PROKR2: variants seen among roughly 807,000 people sequenced by gnomAD.
The protein encoded by PROKR2 is G protein-coupled receptor 73-like 1.
PROKR2 carries 26 observed loss-of-function variants against 23.4 expected under a neutral mutation model. The observed-to-expected ratio is 1.11, with a 90% CI of 0.81 to 1.54. The LOEUF is 1.54. Ranked by LOEUF, PROKR2 falls within the 40% of genes most tolerant of loss-of-function variation. The pLI, the probability that PROKR2 is intolerant of heterozygous loss-of-function variation, is 0.00. For missense variants in PROKR2, 453 were observed against 511.5 expected, an observed-to-expected ratio of 0.89 and a Z score of 1.10; for synonymous variants, 212 against 201.2, an observed-to-expected ratio of 1.05 and a Z score of -0.45.
At position 5,302,167 on chromosome 20, in the gene PROKR2, T is replaced by A; in HGVS notation, c.1028A>T (p.Tyr343Phe). The part of the protein sequence containing the change: ...FVTVKNNTMK[Y>F]FKKMMLLHWR... ...GTGCAGCAGCATCATCTTCTTGAAG[T>A]ACTTCATGGTGTTGTTCTTGACCGT... is the stretch of plus-strand genomic sequence containing the variant. Residue 343 changes from tyrosine (Y) to phenylalanine (F), a missense_variant, in exon 3 of 3, where the codon TAC (tyrosine) becomes TTC (phenylalanine). Transcript: ENST00000678254. The A allele has an allele frequency of 6.2e-7, 1 of 1,614,218 alleles. No individual in the cohort carries two copies. The highest frequency in any genetic ancestry group is 8.5e-7 in the Non-Finnish European group (1 of 1,180,038).
chr20:5,315,729 A>C (rs1252996430), intron 1 of PROKR2: 1 of 391,616 alleles, frequency 2.6e-6, no homozygotes, highest in Non-Finnish European at 5.2e-6. Context: ...CCAAGAGGCG[A>C]GATGCAAATC....
chr20:5,308,566 A>G (rs1045400785), intron 2 of PROKR2, among the ~76,000 whole-genome samples: 1 of 152,200 alleles, frequency 6.6e-6, no homozygotes, highest in East Asian at 1.9e-4. Context: ...TAATAAATAC[A>G]TGGGTAAATC....
Position 5,301,926 on chromosome 20 carries a change from C to A in PROKR2, c.*114G>T, listed in dbSNP as rs992783561. On this transcript the variant is annotated 3_prime_UTR_variant, in exon 3 of 3. Transcript: ENST00000678254. ...TTTGCAGCATTCAGCTTCTTGAGGGCACGGGGGAGGCATGAACACAGATGT... is the reference window on the plus strand; with the variant it reads ...TTTGCAGCATTCAGCTTCTTGAGGGAACGGGGGAGGCATGAACACAGATGT... 7.4e-6 allele frequency: 7 copies of A among 944,596 alleles called. No individual in the cohort carries two copies. Among genetic ancestry groups the A allele is most frequent in the Non-Finnish European group, 1.1e-5 (7 of 625,260 alleles). 58.5% of individuals were successfully genotyped at this position (944,596 alleles called of 1,614,324 possible). A position where few individuals can be genotyped will look rare whatever the true frequency, so the allele number is the denominator to read the frequency against.
At position 5,300,599 on chromosome 20, in the gene PROKR2, T is replaced by C. The variant is rs1283034676; in HGVS notation, c.*1441A>G. ...GCTCTCCCAACAGTCTTGCAAGGTA[T>C]GAAGAGCGGATATTTTCATCATCGC... On this transcript the variant is annotated 3_prime_UTR_variant, in exon 3 of 3. Coordinates refer to ENST00000678254, the MANE Select transcript of PROKR2 (RefSeq NM_144773.4). 6.6e-6 allele frequency among the ~76,000 whole-genome samples: 1 copy of C among 152,214 alleles called. No homozygotes were observed. The highest frequency in any genetic ancestry group is 1.9e-4 in the East Asian group (1 of 5,208).
In PROKR2 at chr20:5,313,877, C is replaced by T. The variant is rs1435758592; in HGVS notation, c.458+35G>A. 1.9e-6 allele frequency: 3 copies of T among 1,570,552 alleles called. No homozygotes were observed. The East Asian group carries it at 6.7e-5, about 35-fold the overall frequency. On this transcript the variant is annotated intron_variant, in intron 2 of 2. Transcript: ENST00000678254. Reference sequence around the variant, plus strand: ...TAAATGAGGAAAGAGACAGCCTGGCCCAGCCCCACCACTCACCCCACCCAC... The same window carrying T: ...TAAATGAGGAAAGAGACAGCCTGGCTCAGCCCCACCACTCACCCCACCCAC...
chr20:5,309,694 G>C (rs550208415), intron 2 of PROKR2, among the ~76,000 whole-genome samples: 1 of 152,128 alleles, frequency 6.6e-6, no homozygotes, highest in African/African-American at 2.4e-5. Context: ...CTTGGGTGAG[G>C]GACATTATTC....
At chr20:5,306,662 A>C (rs1223113369) in intron 2 of PROKR2, among the ~76,000 whole-genome samples, 1 of 152,248 alleles carries the variant, frequency 6.6e-6, no homozygotes, top group East Asian at 1.9e-4. Context: ...TGATATGCCT[A>C]TTAATGTGAT....
intron 2 of PROKR2, among the ~76,000 whole-genome samples, chr20:5,308,334 C>T (rs536817479): frequency 1.8e-4 from 27 of 152,342 alleles, no homozygotes; most frequent in African/African-American, 6.5e-4. Flanking sequence ...GCAAGGAACA[C>T]CTGGCCCGCC....
chr20:5,302,730 G>A lies in PROKR2; in HGVS notation c.465C>T (p.Leu155=), dbSNP rs3746684. The A allele has an allele frequency of 0.39, 634,032 of 1,610,316 alleles. 126,237 individuals carry two copies. Among genetic ancestry groups the A allele is most frequent in the East Asian group, 0.49 (21,880 of 44,842 alleles). Residue 155 remains leucine (L), a synonymous_variant, in exon 3 of 3, where the codon CTC becomes CTT. Transcript: ENST00000678254. ...GTGGTTTCAAGGGGTGAACGATGGC[G>A]AGATATCTGGTGGGGGAGGGAAGCC... ...ALLAIAIDRY[L]AIVHPLKPRM... is the part of the protein sequence containing the mutation.
chr20:5,313,524 T>A (rs1486751716), intron 2 of PROKR2, among the ~76,000 whole-genome samples: 2 of 152,222 alleles, frequency 1.3e-5, no homozygotes, highest in African/African-American at 4.8e-5. Flanking sequence ...ATGTTTCACA[T>A]CTCCACCTGG....
intron 2 of PROKR2, among the ~76,000 whole-genome samples, chr20:5,309,584 A>G (rs1979356543): frequency 6.6e-6 from 1 of 152,198 alleles, no homozygotes; most frequent in Non-Finnish European, 1.5e-5. Context: ...ATATTTTAAG[A>G]TCAGCTGATT....
At chr20:5,310,510 G>A (rs889279298) in intron 2 of PROKR2, among the ~76,000 whole-genome samples, 6 of 152,166 alleles carry the variant, frequency 3.9e-5, no homozygotes, top group African/African-American at 7.2e-5. Context: ...TGGGGCAAAG[G>A]TGAGAGTTTG....
intron 2 of PROKR2, among the ~76,000 whole-genome samples, chr20:5,309,311 A>G (rs556517582): frequency 6.6e-6 from 1 of 152,360 alleles, no homozygotes; most frequent in East Asian, 1.9e-4. Context: ...GAAGTTTGAC[A>G]TGGTTTTCAC....
At chr20:5,309,898 G>T (rs1979369511) in intron 2 of PROKR2, among the ~76,000 whole-genome samples, 1 of 152,102 alleles carries the variant, frequency 6.6e-6, no homozygotes, top group Non-Finnish European at 1.5e-5. Context: ...CTTTCTCATT[G>T]TATGATGTTC....
intron 1 of PROKR2, chr20:5,315,859 C>T (rs1348342197): frequency 6.6e-6 from 3 of 456,560 alleles, no homozygotes; most frequent in Non-Finnish European, 1.3e-5. Context: ...CCTACCCCTC[C>T]TCGGCTTTCC....
In PROKR2 at chr20:5,301,970, T is replaced by G; in HGVS notation, c.*70A>C. 7 of 1,398,300 alleles carry G rather than the reference T, an allele frequency of 5.0e-6. No individual in the cohort carries two copies. Among genetic ancestry groups the G allele is most frequent in the Non-Finnish European group, 5.0e-6 (5 of 1,000,434 alleles). The allele number at this position is 1,398,300 out of a possible 1,614,324, so 86.6% of individuals were successfully genotyped here. ...CAGATGTCATTTCCCATGCAGCCTATGAACTTGGTTGATGGTGGGTGATGC... is the reference window on the plus strand; with the variant it reads ...CAGATGTCATTTCCCATGCAGCCTAGGAACTTGGTTGATGGTGGGTGATGC... On this transcript the variant is annotated 3_prime_UTR_variant, in exon 3 of 3. Coordinates refer to ENST00000678254, the MANE Select transcript of PROKR2 (RefSeq NM_144773.4).
chr20:5,302,775 A>G (rs767228128), intron 2 of PROKR2, 39 bp from the exon 3 acceptor site: 39 of 1,495,642 alleles, frequency 2.6e-5, no homozygotes, highest in Non-Finnish European at 3.6e-5. Flanking sequence ...AATGATGAAT[A>G]CGTGGAAACG....
Position 5,302,611 on chromosome 20 carries a change from G to A in PROKR2, c.584C>T (p.Thr195Met), listed in dbSNP as rs554736651. The change falls in exon 3 of 3, where the codon ACG becomes ATG. Residue 195 changes from threonine to methionine, a missense_variant. Thr to Met is a moderately conservative substitution (Grantham distance 81). Coordinates refer to ENST00000678254, the MANE Select transcript of PROKR2 (RefSeq NM_144773.4). ...AIPSAYFATE[T>M]VLFIVKSQEK... ...CTGGCTCTTGACAATAAAGAGGACC[G>A]TTTCTGTTGCAAAGTAAGCCGATGG... 7 of 1,614,196 alleles carry A rather than the reference G, an allele frequency of 4.3e-6. No homozygotes were observed. The highest frequency in any genetic ancestry group is 1.6e-4 in the Middle Eastern group (1 of 6,062).
At chr20:5,305,701 G>A (rs948870251) in intron 2 of PROKR2, among the ~76,000 whole-genome samples, 2 of 152,152 alleles carry the variant, frequency 1.3e-5, no homozygotes, top group African/African-American at 4.8e-5. Flanking sequence ...AAATTTAAAG[G>A]TTTGGTAGGT....
Sources: allele counts gnomAD v4.1 joint callset (sites outside exome capture counted in the v4.1 genomes callset), GRCh38; gene constraint gnomAD v4.1.1; transcripts MANE v1.5; gene names NCBI Gene and HGNC (gene_info 2026-07-23, HGNC 2026-07-21).